Variants in ROBO2 observed in about 807,000 individuals in gnomAD.
The protein encoded by ROBO2 is roundabout homolog 2.
A neutral mutation model predicts 160.8 loss-of-function variants in ROBO2; 53 were observed. The ratio of observed to expected loss-of-function variants is 0.33; its 90% CI spans 0.26 to 0.41. The LOEUF is 0.41. Among genes scored for constraint, ROBO2 ranks in the 10% least tolerant of loss-of-function variants. ROBO2 has a pLI of 1.00. For missense variants in ROBO2, 1,577 were observed against 1,722.4 expected (o/e 0.92, Z 1.49); for synonymous variants, 664 against 611.7 (o/e 1.09, Z -1.26).
chr3:76,268,821 A>G (rs1707253397), intron 2 of ROBO2, among the ~76,000 whole-genome samples: 1 of 152,146 alleles, frequency 6.6e-6, no homozygotes, highest in Non-Finnish European at 1.5e-5. Flanking sequence ...GGCAACATGT[A>G]GCCCTGAGTC....
At chr3:76,189,459 G>C (rs376885694) in intron 2 of ROBO2, among the ~76,000 whole-genome samples, 1 of 152,010 alleles carries the variant, frequency 6.6e-6, no homozygotes, top group South Asian at 2.1e-4. Flanking sequence ...GCATCACATA[G>C]TGGCTTCTAT....
At chr3:76,349,579 T>C (rs577117756) in intron 2 of ROBO2, among the ~76,000 whole-genome samples, 12 of 152,250 alleles carry the variant, frequency 7.9e-5, no homozygotes, top group African/African-American at 2.9e-4. Context: ...TTGTGTGTGC[T>C]TAAGATATCA....
intron 20 of ROBO2, among the ~76,000 whole-genome samples, chr3:77,605,925 G>A (rs1174215583): frequency 6.6e-6 from 1 of 152,136 alleles, no homozygotes; most frequent in Admixed American, 6.5e-5. Context: ...TAGAGAGAAA[G>A]CTATGGAAGA....
At chr3:76,484,427 G>C (rs2079379899) in intron 2 of ROBO2, among the ~76,000 whole-genome samples, 1 of 152,168 alleles carries the variant, frequency 6.6e-6, no homozygotes, top group Non-Finnish European at 1.5e-5. Flanking sequence ...CTCAGGGGCA[G>C]GAATGCTCAT....
intron 2 of ROBO2, among the ~76,000 whole-genome samples, chr3:76,047,909 G>A (rs1258819372): frequency 6.6e-6 from 1 of 152,158 alleles, no homozygotes; most frequent in Non-Finnish European, 1.5e-5. Flanking sequence ...TATTATTGAA[G>A]TTACAACTTT....
intron 2 of ROBO2, among the ~76,000 whole-genome samples, chr3:77,136,702 T>A (rs1380779818): frequency 1.3e-5 from 2 of 150,922 alleles, no homozygotes; most frequent in Non-Finnish European, 2.9e-5. Flanking sequence ...AGTGGCATGG[T>A]CTTGGCTCAC....
intron 2 of ROBO2, among the ~76,000 whole-genome samples, chr3:76,809,994 A>G (rs1001470051): frequency 6.6e-6 from 1 of 152,158 alleles, no homozygotes; most frequent in Non-Finnish European, 1.5e-5. Context: ...ATTATTATGC[A>G]AAAATCAAAA....
chr3:76,920,827 G>T (rs1189452142), intron 2 of ROBO2, among the ~76,000 whole-genome samples: 1 of 152,158 alleles, frequency 6.6e-6, no homozygotes, highest in Non-Finnish European at 1.5e-5. Flanking sequence ...CTTCAGCTTT[G>T]ATTACAAAAG....
chr3:76,606,268 G>A (rs931411174), intron 2 of ROBO2, among the ~76,000 whole-genome samples: 1 of 151,198 alleles, frequency 6.6e-6, no homozygotes, highest in Non-Finnish European at 1.5e-5. Context: ...ATTGTAGATT[G>A]GTTTTCAAAA....
intron 2 of ROBO2, among the ~76,000 whole-genome samples, chr3:76,850,272 A>G (rs1313404183): frequency 6.6e-6 from 1 of 152,168 alleles, no homozygotes; most frequent in African/African-American, 2.4e-5. Context: ...TCTCTCTTAG[A>G]CTATGTAACT....
intron 2 of ROBO2, among the ~76,000 whole-genome samples, chr3:76,264,283 AG>A (rs1286714318): frequency 1.3e-5 from 2 of 151,894 alleles, no homozygotes; most frequent in African/African-American, 4.8e-5. Context: ...ATAATTACAA[AG>A]TAATATTACC....
At chr3:76,645,699 C>T (rs2090931273) in intron 2 of ROBO2, among the ~76,000 whole-genome samples, 1 of 151,980 alleles carries the variant, frequency 6.6e-6, no homozygotes, top group Non-Finnish European at 1.5e-5. Context: ...CGACTAAAGG[C>T]ATTCAAAAAT....
rs188448945 is a variant in ROBO2, at chr3:77,320,943, T to C, written c.389-156471T>C. 3.0e-4 allele frequency among the ~76,000 whole-genome samples: 45 copies of C among 152,312 alleles called. No homozygotes were observed. In the East Asian group the frequency reaches 5.4e-3, roughly 18 times the overall value. On this transcript the variant is annotated intron_variant, in intron 2 of 25. Coordinates refer to ENST00000461745, the Ensembl canonical transcript of ROBO2. Reference sequence around the variant, plus strand: ...GTTACCAAATTCATAATCTTAGGTATGCAAAGTAGGCAAGGTACTTTACTG... The same window carrying C: ...GTTACCAAATTCATAATCTTAGGTACGCAAAGTAGGCAAGGTACTTTACTG...
intron 2 of ROBO2, among the ~76,000 whole-genome samples, chr3:77,452,954 A>G (rs1239426695): frequency 6.6e-6 from 1 of 152,118 alleles, no homozygotes; most frequent in Non-Finnish European, 1.5e-5. Context: ...GGTTCTTGTC[A>G]GGAATTCATC....
At chr3:76,698,571 T>G (rs2107395928) in intron 2 of ROBO2, among the ~76,000 whole-genome samples, 1 of 152,236 alleles carries the variant, frequency 6.6e-6, no homozygotes, top group Middle Eastern at 3.4e-3. Flanking sequence ...ACACTTGGAG[T>G]AATAGGAATT....
intron 2 of ROBO2, among the ~76,000 whole-genome samples, chr3:76,970,202 G>A (rs937985299): frequency 5.9e-5 from 9 of 152,114 alleles, no homozygotes; most frequent in Non-Finnish European, 2.9e-5. Flanking sequence ...ATTTATCCAC[G>A]TTGTCATTTT....
At chr3:77,571,080 T>C (rs1583018923) in intron 13 of ROBO2, among the ~76,000 whole-genome samples, 1 of 152,026 alleles carries the variant, frequency 6.6e-6, no homozygotes, top group East Asian at 1.9e-4. Context: ...GCTTTACTTT[T>C]TGTCTTTGTT....
chr3:77,049,631 A>G (rs998173459), intron 1 of ROBO2, among the ~76,000 whole-genome samples: 2 of 152,336 alleles, frequency 1.3e-5, no homozygotes, highest in African/African-American at 4.8e-5. Flanking sequence ...TCTGGCCACT[A>G]TAACTAGAAC....
At chr3:76,117,531 T>C (rs2070527386) in intron 2 of ROBO2, among the ~76,000 whole-genome samples, 1 of 152,182 alleles carries the variant, frequency 6.6e-6, no homozygotes. Flanking sequence ...TTAATATACT[T>C]ACGTAAACTC....
Sources: allele counts gnomAD v4.1 joint callset (sites outside exome capture counted in the v4.1 genomes callset), GRCh38; gene constraint gnomAD v4.1.1; transcripts MANE v1.5; gene names NCBI Gene and HGNC (gene_info 2026-07-23, HGNC 2026-07-21).